Variants in RPS6KA6 observed in about 807,000 individuals in gnomAD.
RPS6KA6 encodes ribosomal protein S6 kinase A6, also known as ribosomal protein S6 kinase alpha-6.
A neutral mutation model predicts 65.4 loss-of-function variants in RPS6KA6; 27 were observed. The ratio of observed to expected loss-of-function variants is 0.41; its 90% CI spans 0.30 to 0.57. The LOEUF (loss-of-function observed/expected upper bound fraction) is 0.57. RPS6KA6 is among the 20% of genes least tolerant of loss of function. The pLI is 0.24. For missense variants in RPS6KA6, 486 were observed against 555.6 expected (o/e 0.87, Z 1.26); for synonymous variants, 190 against 184.2 (o/e 1.03, Z -0.26).
At chrX:84,079,748 A>C (rs2033749185) in intron 20 of RPS6KA6, among the ~76,000 whole-genome samples, 1 of 112,250 alleles carries the variant, frequency 8.9e-6, no homozygotes, top group African/African-American at 3.2e-5. Context: ...AGCTTGGCAA[A>C]GCTGCTGCAG....
chrX:84,159,802 G>T (rs1486702189), intron 2 of RPS6KA6, among the ~76,000 whole-genome samples: 1 of 110,606 alleles, frequency 9.0e-6, no homozygotes, highest in East Asian at 2.8e-4. Flanking sequence ...GGCCATATGG[G>T]TGGGTTCTAA....
intron 20 of RPS6KA6, among the ~76,000 whole-genome samples, chrX:84,094,887 G>A (rs2034122992): frequency 9.0e-6 from 1 of 111,487 alleles, no homozygotes; most frequent in Non-Finnish European, 1.9e-5. Context: ...ATTTTCTGAA[G>A]CATAAACTGG....
intron 2 of RPS6KA6, among the ~76,000 whole-genome samples, chrX:84,157,617 CAT>C (rs1294722844): frequency 9.0e-6 from 1 of 110,859 alleles, no homozygotes; most frequent in Non-Finnish European, 1.9e-5. Flanking sequence ...AGTTTTCTCA[CAT>C]GACAAAGGGG....
At chrX:84,176,926 T>C (rs747831577) in intron 1 of RPS6KA6, among the ~76,000 whole-genome samples, 32 of 112,107 alleles carry the variant, frequency 2.9e-4, no homozygotes, top group Non-Finnish European at 5.3e-4. Flanking sequence ...TGTGGGTTTT[T>C]TTCCATTAAT....
intron 12 of RPS6KA6, among the ~76,000 whole-genome samples, chrX:84,108,843 G>A (rs960137686): frequency 8.9e-6 from 1 of 111,939 alleles, no homozygotes; most frequent in Non-Finnish European, 1.9e-5. Flanking sequence ...TGCAGCTGCA[G>A]TACAGAGGAG....
chrX:84,179,251 C>T (rs1044683029), intron 1 of RPS6KA6, among the ~76,000 whole-genome samples: 2 of 110,957 alleles, frequency 1.8e-5, no homozygotes, highest in African/African-American at 3.3e-5. Flanking sequence ...TTTTTTTTCA[C>T]TTAATCTGAC....
intron 20 of RPS6KA6, among the ~76,000 whole-genome samples, chrX:84,088,273 T>G (rs574779907): frequency 4.5e-5 from 5 of 112,124 alleles, no homozygotes; most frequent in Middle Eastern, 4.6e-3. Flanking sequence ...ATCTTTGAGG[T>G]TGCTGACCTT....
intron 6 of RPS6KA6, among the ~76,000 whole-genome samples, chrX:84,137,503 C>G (rs2035011008): frequency 9.0e-6 from 1 of 110,856 alleles, no homozygotes; most frequent in Non-Finnish European, 1.9e-5. Flanking sequence ...GGTCAAGGAG[C>G]ATAAATAGTC....
At chrX:84,176,204 G>C (rs1041397407) in intron 1 of RPS6KA6, among the ~76,000 whole-genome samples, 1 of 112,268 alleles carries the variant, frequency 8.9e-6, no homozygotes, top group Non-Finnish European at 1.9e-5. Flanking sequence ...GCTGAAATCA[G>C]AGCTAATGAC....
intron 6 of RPS6KA6, among the ~76,000 whole-genome samples, chrX:84,138,653 T>C (rs2035039591): frequency 8.9e-6 from 1 of 112,583 alleles, no homozygotes; most frequent in Non-Finnish European, 1.9e-5. Context: ...AAATCCCTAT[T>C]GTGGCTTTAT....
intron 12 of RPS6KA6, among the ~76,000 whole-genome samples, chrX:84,114,683 G>A (rs753980771): frequency 9.0e-6 from 1 of 111,427 alleles, no homozygotes; most frequent in African/African-American, 3.3e-5. Flanking sequence ...AAAGCCAGAC[G>A]CATCACATTT....
intron 6 of RPS6KA6, among the ~76,000 whole-genome samples, chrX:84,143,883 A>G (rs2035151143): frequency 9.0e-6 from 1 of 111,462 alleles, no homozygotes; most frequent in African/African-American, 3.2e-5. Flanking sequence ...AGGCCTTCAT[A>G]TATATGATCA....
chrX:84,143,304 T>C (rs1365805229), intron 6 of RPS6KA6, among the ~76,000 whole-genome samples: 3 of 111,352 alleles, frequency 2.7e-5, no homozygotes, highest in African/African-American at 9.7e-5. Context: ...TACAGAAAAC[T>C]TTCTCAACCT....
At chrX:84,145,060 T>C (rs2035175858) in intron 6 of RPS6KA6, among the ~76,000 whole-genome samples, 1 of 111,291 alleles carries the variant, frequency 9.0e-6, no homozygotes, top group Non-Finnish European at 1.9e-5. Flanking sequence ...ACAGATATGC[T>C]AATTATTCTT....
chrX:84,143,681 A>G (rs780184130), intron 6 of RPS6KA6, among the ~76,000 whole-genome samples: 3 of 111,428 alleles, frequency 2.7e-5, no homozygotes, highest in Non-Finnish European at 5.7e-5. Context: ...ACAAAGTGAA[A>G]AGCCGATTTT....
chrX:84,106,638 A>G (rs933810068), intron 14 of RPS6KA6, 151 bp from the exon 15 acceptor site: 1 of 478,137 alleles, frequency 2.1e-6, no homozygotes, highest in African/African-American at 2.5e-5. Context: ...GCGTGAACCA[A>G]TCCTTTCTTG....
At chrX:84,129,724 T>C (rs1202323361) in intron 8 of RPS6KA6, among the ~76,000 whole-genome samples, 3 of 111,279 alleles carry the variant, frequency 2.7e-5, no homozygotes, top group African/African-American at 9.8e-5. Context: ...GTCACTGTGT[T>C]AACTGAAATA....
At chrX:84,173,723 C>T (rs1402455298) in intron 1 of RPS6KA6, among the ~76,000 whole-genome samples, 1 of 111,358 alleles carries the variant, frequency 9.0e-6, no homozygotes, top group African/African-American at 3.3e-5. Context: ...AGTGGCAGTG[C>T]GATCACAGCT....
Position 84,104,504 on chromosome X carries a change from G to T in RPS6KA6, c.1609C>A (p.Gln537Lys). The change falls in exon 17 of 22, where the codon CAA becomes AAA. Residue 537 changes from glutamine to lysine, a missense_variant. By Grantham distance (53) the Gln-to-Lys change is moderately conservative. Transcript: ENST00000262752. ...AAAAGTTAACTACAACTTACTCCTT[G>T]ACAATGAAGATAGTCAACTGTCTTA... ...ISKTVDYLHC[Q>K]GVVHRDLKPS... 8.9e-7 allele frequency: 1 copy of T among 1,128,858 alleles called. No homozygotes were observed. The highest frequency in any genetic ancestry group is 1.2e-6 in the Non-Finnish European group (1 of 853,064). The allele number at this position is 1,128,858 out of a possible 1,213,427, so 93.0% of individuals were successfully genotyped here. A position where few individuals can be genotyped will look rare whatever the true frequency, so the allele number is the denominator to read the frequency against.
Sources: allele counts gnomAD v4.1 joint callset (sites outside exome capture counted in the v4.1 genomes callset), GRCh38; gene constraint gnomAD v4.1.1; transcripts MANE v1.5; gene names NCBI Gene and HGNC (gene_info 2026-07-23, HGNC 2026-07-21).